NDST4: variants seen among roughly 807,000 people sequenced by gnomAD.
NDST4 encodes the protein N-deacetylase and N-sulfotransferase 4, also known as N-heparan sulfate sulfotransferase 4.
NDST4 carries 63 observed loss-of-function variants against 100.8 expected under a neutral mutation model. That is an observed-to-expected ratio of 0.62 (90% confidence interval 0.51 to 0.77). The LOEUF (loss-of-function observed/expected upper bound fraction) is 0.77. Among genes scored for constraint, NDST4 ranks in the 30% least tolerant of loss-of-function variants. The pLI is 0.00. For synonymous variants in NDST4, 377 were observed against 361.8 expected (o/e 1.04, Z -0.48); for missense variants, 943 against 1,018.4 (o/e 0.93, Z 1.01).
chr4:114,984,931 A>T (rs760798596), intron 2 of NDST4, among the ~76,000 whole-genome samples: 8 of 152,312 alleles, frequency 5.3e-5, no homozygotes, highest in South Asian at 2.1e-4. Context: ...ACTCATCTTG[A>T]TCTCATTTCT....
chr4:114,926,935 C>T (rs1725397994), intron 6 of NDST4, among the ~76,000 whole-genome samples: 1 of 151,932 alleles, frequency 6.6e-6, no homozygotes, highest in Admixed American at 6.6e-5. Context: ...TTTTATTAAT[C>T]TCATAGGATG....
chr4:115,081,879 T>A (rs1006908006), intron 1 of NDST4, among the ~76,000 whole-genome samples: 11 of 152,170 alleles, frequency 7.2e-5, no homozygotes, highest in African/African-American at 2.7e-4. Context: ...GATTACTGAG[T>A]AAATTCCATC....
At chr4:114,991,238 T>C (rs919122571) in intron 2 of NDST4, among the ~76,000 whole-genome samples, 6 of 152,156 alleles carry the variant, frequency 3.9e-5, no homozygotes, top group Admixed American at 1.3e-4. Context: ...TACAACATGA[T>C]AGCTAATGTG....
Position 115,075,881 on chromosome 4 carries a change from G to A in NDST4, c.978+178C>T, listed in dbSNP as rs548867278. ...TGTCCCATTCTGAAGCTTCTGGTGT[G>A]TGTATGTGTGTGTAAAGAATGGTTA... On this transcript the variant is annotated intron_variant, in intron 2 of 13. Coordinates refer to ENST00000264363, the MANE Select transcript of NDST4 (RefSeq NM_022569.3). Among the ~76,000 whole-genome samples, 32 of 151,666 alleles carry A rather than the reference G, an allele frequency of 2.1e-4. 2 individuals are homozygous for A. Among genetic ancestry groups the A allele is most frequent in the African/African-American group, 6.1e-4 (25 of 41,322 alleles).
chr4:114,865,732 G>A (rs767816178), intron 7 of NDST4, among the ~76,000 whole-genome samples: 1 of 152,148 alleles, frequency 6.6e-6, no homozygotes, highest in South Asian at 2.1e-4. Context: ...AGTGGTTTGT[G>A]TGGGGAATTT....
chr4:115,100,747 G>A (rs370481521), intron 1 of NDST4, among the ~76,000 whole-genome samples: 14 of 151,460 alleles, frequency 9.2e-5, no homozygotes, highest in South Asian at 2.1e-4. Flanking sequence ...CCCAAAGCAC[G>A]GAGAATTTCT....
chr4:114,969,119 C>T (rs1726447198), intron 4 of NDST4, among the ~76,000 whole-genome samples: 2 of 151,928 alleles, frequency 1.3e-5, no homozygotes, highest in South Asian at 2.1e-4. Context: ...CGAGACCATC[C>T]GGGCTAAAAC....
At chr4:114,982,022 C>T (rs974786621) in intron 2 of NDST4, among the ~76,000 whole-genome samples, 1 of 152,072 alleles carries the variant, frequency 6.6e-6, no homozygotes, top group African/African-American at 2.4e-5. Flanking sequence ...GTGGCACTTC[C>T]CCCCAAACAC....
At chr4:115,100,585 T>C (rs982164798) in intron 1 of NDST4, among the ~76,000 whole-genome samples, 4 of 152,116 alleles carry the variant, frequency 2.6e-5, no homozygotes, top group Non-Finnish European at 4.4e-5. Flanking sequence ...GTAGGATACA[T>C]TTAAGAAGCA....
intron 2 of NDST4, among the ~76,000 whole-genome samples, chr4:115,072,846 C>CA (rs1729105219): frequency 6.6e-6 from 1 of 151,684 alleles, no homozygotes; most frequent in Non-Finnish European, 1.5e-5. Context: ...TTACATCAAG[C>CA]AAAAAACTTT....
intron 2 of NDST4, among the ~76,000 whole-genome samples, chr4:115,006,047 A>AAAAG (rs1348370742): frequency 7.9e-6 from 1 of 126,584 alleles, no homozygotes; most frequent in African/African-American, 2.9e-5. Flanking sequence ...AAAAAAAAAA[A>AAAAG]AAGAAGAAGA....
At chr4:115,069,501 C>T (rs570500506) in intron 2 of NDST4, among the ~76,000 whole-genome samples, 1 of 152,222 alleles carries the variant, frequency 6.6e-6, no homozygotes, top group Admixed American at 6.5e-5. Flanking sequence ...ATGACATGAA[C>T]AGACACTTTT....
chr4:114,993,678 GA>G (rs1727098991), intron 2 of NDST4, among the ~76,000 whole-genome samples: 2 of 151,912 alleles, frequency 1.3e-5, no homozygotes, highest in Non-Finnish European at 2.9e-5. Context: ...GGTGTTGTGT[GA>G]AATATGGAAA....
At chr4:115,011,463 A>G (rs562265710) in intron 2 of NDST4, among the ~76,000 whole-genome samples, 298 of 144,594 alleles carry the variant, frequency 2.1e-3, no homozygotes, top group Admixed American at 4.6e-3. Flanking sequence ...AGGCATCACT[A>G]TTTTTTTTTT....
At chr4:115,112,587 TA>T (rs948547609) in intron 1 of NDST4, among the ~76,000 whole-genome samples, 48 of 151,994 alleles carry the variant, frequency 3.2e-4, no homozygotes, top group Middle Eastern at 6.8e-3. Context: ...TATAATCACT[TA>T]AAAAAACTAT....
At chr4:115,070,131 T>C (rs1729043712) in intron 2 of NDST4, among the ~76,000 whole-genome samples, 1 of 152,092 alleles carries the variant, frequency 6.6e-6, no homozygotes, top group Non-Finnish European at 1.5e-5. Flanking sequence ...CATACAATCA[T>C]TGCAGCACTC....
chr4:114,986,832 A>ATTTTTT lies in NDST4; in HGVS notation c.979-9559_979-9558insAAAAAA, dbSNP rs58065684. Among the ~76,000 whole-genome samples, 703 of 94,598 alleles carry ATTTTTT rather than the reference A, an allele frequency of 7.4e-3. 24 individuals are homozygous for ATTTTTT. Among genetic ancestry groups the ATTTTTT allele is most frequent in the Middle Eastern group, 0.032 (4 of 126 alleles). The allele number at this position is 94,598 out of a possible 152,430, so 62.1% of individuals were successfully genotyped here. On this transcript the variant is annotated intron_variant, in intron 2 of 13. Coordinates refer to ENST00000264363, the MANE Select transcript of NDST4 (RefSeq NM_022569.3). The stretch of plus-strand genomic sequence containing the variant: ...TATATATATATATATATATATATAT[A>ATTTTTT]TTTTAATATACTATTCCTATAAGCT...
At chr4:114,986,806 A>G (rs1324602728) in intron 2 of NDST4, among the ~76,000 whole-genome samples, 2 of 31,660 alleles carry the variant, frequency 6.3e-5, no homozygotes, top group African/African-American at 1.4e-4. Context: ...ATATATATAT[A>G]TATATATATA....
At chr4:114,986,788 TTATACATATATATATA>T (rs1242199739) in intron 2 of NDST4, among the ~76,000 whole-genome samples, 2 of 65,982 alleles carry the variant, frequency 3.0e-5, no homozygotes, top group African/African-American at 1.5e-4. Flanking sequence ...TGGTATCCAA[TTATACATATATATATA>T]TATATATATA....
Sources: gnomAD v4.1 joint callset for allele counts (sites outside exome capture counted in the v4.1 genomes callset) on GRCh38, gnomAD v4.1.1 for gene constraint, MANE v1.5 for transcripts, NCBI Gene and HGNC (gene_info 2026-07-23, HGNC 2026-07-21) for gene names.